The following POM121C variants were observed in gnomAD, a reference collection of about 807,000 sequenced individuals.
POM121C encodes the protein POM121 transmembrane nucleoporin C, also known as nuclear envelope pore membrane protein POM 121C.
POM121C carries 20 observed loss-of-function variants against 66.4 expected under a neutral mutation model. That is an observed-to-expected ratio of 0.30 (90% confidence interval 0.21 to 0.44). POM121C has a LOEUF of 0.44. POM121C is among the 20% of genes least tolerant of loss of function. The probability of loss-of-function intolerance (pLI) is 1.00; values close to 1 mark genes in which losing one functional copy is unlikely to be tolerated. For synonymous variants in POM121C, 286 were observed against 528.0 expected (o/e 0.54, Z 6.28); for missense variants, 580 against 1,225.7 (o/e 0.47, Z 7.87).
In POM121C at chr7:75,441,060, G is replaced by A. The variant is rs782279658; in HGVS notation, c.121C>T (p.Pro41Ser). Residue 41 changes from proline (P) to serine (S), a missense_variant, in exon 5 of 15, where the codon CCA (proline) becomes TCA (serine). Physicochemically the swap from Pro to Ser is moderately conservative, Grantham distance 74 (BLOSUM62 -1). Transcript: ENST00000615331. ...LSSPSSNAPD[P>S]CAKETVLSAL... is the part of the protein sequence containing the mutation. ...CTCAGTACAGTCTCCTTTGCACATGGGTCTGGGGCATTACTTGATGGTGAC... is the reference window on the plus strand; with the variant it reads ...CTCAGTACAGTCTCCTTTGCACATGAGTCTGGGGCATTACTTGATGGTGAC... 7.4e-6 allele frequency: 12 copies of A among 1,613,814 alleles called. No homozygotes were observed. Among genetic ancestry groups the A allele is most frequent in the Non-Finnish European group, 8.5e-6 (10 of 1,179,844 alleles).
rs587756562 is a variant in POM121C at position 75,421,796 on chromosome 7, C to G, written c.2456G>C (p.Ser819Thr). The G allele has an allele frequency of 6.2e-7, 1 of 1,608,494 alleles. No homozygotes were observed. The highest frequency in any genetic ancestry group is 1.3e-5 in the African/African-American group (1 of 74,908). ...AAACACCGAGCTGCTGCTCCCGCTG[C>G]TGGCGGTCTGGGTGGTGGCTCCAAA... is the stretch of plus-strand genomic sequence containing the variant. Reference protein sequence around the residue: ...SGFGATTQTASSGSSSSVFGS... With the variant: ...SGFGATTQTATSGSSSSVFGS... The change falls in exon 13 of 15, where the codon AGC becomes ACC. Residue 819 changes from serine to threonine, a missense_variant. Ser to Thr is a moderately conservative substitution (Grantham distance 58). Transcript: ENST00000615331.
At chr7:75,441,744 A>T in intron 3 of POM121C, 97 bp from the exon 4 acceptor site, 1 of 1,185,912 alleles carries the variant, frequency 8.4e-7, no homozygotes, top group African/African-American at 1.5e-5. Flanking sequence ...TTTTCCAAAG[A>T]ACTTAAATCT....
chr7:75,456,829 A>C (rs1554476353), intron 3 of POM121C, among the ~76,000 whole-genome samples: 5 of 152,060 alleles, frequency 3.3e-5, no homozygotes, highest in Non-Finnish European at 5.9e-5. Context: ...TTCTCTTCTA[A>C]TTACAACTAA....
At chr7:75,430,786 G>A (rs587729789) in intron 7 of POM121C, among the ~76,000 whole-genome samples, 1 of 152,080 alleles carries the variant, frequency 6.6e-6, no homozygotes, top group Non-Finnish European at 1.5e-5. Flanking sequence ...TAGTAGAAAA[G>A]AGCCAAGAGG....
At chr7:75,467,370 A>T (rs1791692481) in intron 3 of POM121C, among the ~76,000 whole-genome samples, 2 of 152,014 alleles carry the variant, frequency 1.3e-5, no homozygotes, top group Non-Finnish European at 2.9e-5. Flanking sequence ...TCACTACTAA[A>T]AATACAAAAA....
At chr7:75,484,577 G>A (rs1167657674) in intron 1 of POM121C, among the ~76,000 whole-genome samples, 7 of 145,844 alleles carry the variant, frequency 4.8e-5, no homozygotes, top group Non-Finnish European at 9.0e-5. Flanking sequence ...GCTGAGGCAC[G>A]AGAATCCTTT....
intron 3 of POM121C, chr7:75,442,679 C>T (rs1251116383): frequency 2.1e-6 from 3 of 1,429,598 alleles, no homozygotes; most frequent in African/African-American, 3.0e-5. Flanking sequence ...TATCGGCCGC[C>T]GCCGCTCGCC....
chr7:75,437,189 C>T (rs192894562), intron 7 of POM121C, among the ~76,000 whole-genome samples: 5 of 152,318 alleles, frequency 3.3e-5, no homozygotes, highest in Admixed American at 3.3e-4. Context: ...GCTTTCTACT[C>T]CGTTCTGCTG....
rs1483460019 is a variant in POM121C, at chr7:75,484,155, T to C, written c.-458+1709A>G. ...CTTACAAACCTCTTAAAATGCATCATAAAATAAAGTTGAGGAACATATACA... is the reference window on the plus strand; with the variant it reads ...CTTACAAACCTCTTAAAATGCATCACAAAATAAAGTTGAGGAACATATACA... On this transcript the variant is annotated intron_variant, in intron 1 of 14. Transcript: ENST00000615331. The C allele has an allele frequency of 1.5e-5, 23 of 1,584,128 alleles. No homozygotes were observed. The African/African-American group carries it at 2.7e-4, about 19-fold the overall frequency.
chr7:75,469,975 G>A (rs71554673), intron 3 of POM121C, among the ~76,000 whole-genome samples: 5 of 152,108 alleles, frequency 3.3e-5, no homozygotes, highest in African/African-American at 1.2e-4. Flanking sequence ...GTTTATTATT[G>A]TTACTTTTTG....
chr7:75,455,954 GCCAGGCGCAGTGGCTCATGC>G (rs1791199036), intron 3 of POM121C, among the ~76,000 whole-genome samples: 1 of 152,174 alleles, frequency 6.6e-6, no homozygotes, highest in Non-Finnish European at 1.5e-5. Context: ...CTTCATCCAG[GCCAGGCGCAGTGGCTCATGC>G]CTGTACTCCC....
intron 1 of POM121C, 95 bp downstream of exon 1, chr7:75,485,769 C>G (rs1239725309): frequency 2.4e-6 from 1 of 416,512 alleles, no homozygotes; most frequent in African/African-American, 2.1e-5. Flanking sequence ...GGCAAGCAAT[C>G]GGGACCCTCC....
At chr7:75,433,507 C>G (rs1790272163) in intron 7 of POM121C, among the ~76,000 whole-genome samples, 1 of 151,894 alleles carries the variant, frequency 6.6e-6, no homozygotes, top group Non-Finnish European at 1.5e-5. Context: ...AGGTGCCCGC[C>G]ACCACGCCCA....
chr7:75,442,954 CTCCCATCCGGA>C (rs1427761379), intron 3 of POM121C, among the ~76,000 whole-genome samples: 7 of 152,264 alleles, frequency 4.6e-5, no homozygotes, highest in East Asian at 1.9e-4. Context: ...TCCCATCCGG[CTCCCATCCGGA>C]GGCGATCCCG....
intron 7 of POM121C, among the ~76,000 whole-genome samples, chr7:75,431,915 C>T (rs188036214): frequency 6.6e-6 from 1 of 151,956 alleles, no homozygotes; most frequent in African/African-American, 2.4e-5. Flanking sequence ...TACGGTGCCA[C>T]TGCACTGTAG....
At chr7:75,449,253 C>G (rs1341019888) in intron 3 of POM121C, among the ~76,000 whole-genome samples, 1 of 150,920 alleles carries the variant, frequency 6.6e-6, no homozygotes. Flanking sequence ...TGGAAACTCA[C>G]TGAGGCTGGA....
At chr7:75,424,801 A>G in intron 10 of POM121C, 173 bp from the exon 11 acceptor site, 1 of 1,210,820 alleles carries the variant, frequency 8.3e-7, no homozygotes, top group Non-Finnish European at 1.2e-6. Context: ...TCTACTAAAA[A>G]TACAAAAAAT....
chr7:75,469,259 C>A (rs1303536393), intron 3 of POM121C, among the ~76,000 whole-genome samples: 1 of 152,052 alleles, frequency 6.6e-6, no homozygotes, highest in African/African-American at 2.4e-5. Context: ...ACTACCAAAC[C>A]CAGCTAATTT....
chr7:75,443,938 CAAAAAAAA>C (rs1186150939), intron 3 of POM121C, among the ~76,000 whole-genome samples: 7 of 30,136 alleles, frequency 2.3e-4, no homozygotes, highest in African/African-American at 4.9e-4. Context: ...GAGTCCATCT[CAAAAAAAA>C]AAAAAAAAAA....
Sources: allele counts gnomAD v4.1 joint callset (sites outside exome capture counted in the v4.1 genomes callset), GRCh38; gene constraint gnomAD v4.1.1; transcripts MANE v1.5; gene names NCBI Gene and HGNC (gene_info 2026-07-23, HGNC 2026-07-21).